The following PLCH1 variants were observed in gnomAD, a reference collection of about 807,000 sequenced individuals.
PLCH1 encodes the protein 1-phosphatidylinositol 4,5-bisphosphate phosphodiesterase eta-1.
PLCH1 carries 60 observed loss-of-function variants against 126.7 expected under a neutral mutation model. The ratio of observed to expected loss-of-function variants is 0.47; its 90% CI spans 0.38 to 0.59. The LOEUF (loss-of-function observed/expected upper bound fraction) is 0.59, where lower values mean the gene tolerates loss of function less well. Ranked by LOEUF, PLCH1 falls within the 20% of genes least tolerant of loss-of-function variation. The probability of loss-of-function intolerance (pLI) is 0.00; values close to 1 mark genes in which losing one functional copy is unlikely to be tolerated. For missense variants in PLCH1, 1,723 were observed against 2,040.0 expected (o/e 0.84, Z 2.99); for synonymous variants, 719 against 734.9 (o/e 0.98, Z 0.35).
intron 21 of PLCH1, among the ~76,000 whole-genome samples, chr3:155,469,270 C>T (rs543539737): frequency 6.6e-6 from 1 of 152,300 alleles, no homozygotes; most frequent in East Asian, 1.9e-4. Context: ...TTGGGAAGCG[C>T]AAGGGGTCAG....
intron 10 of PLCH1, among the ~76,000 whole-genome samples, chr3:155,548,384 G>A (rs1008382860): frequency 6.6e-6 from 1 of 152,184 alleles, no homozygotes; most frequent in Non-Finnish European, 1.5e-5. Flanking sequence ...AGTTCACATT[G>A]TTGCCACCCT....
rs1747682375 is a variant in PLCH1 at position 155,718,355 on chromosome 3, TA to T, written c.-40-14092del. ...CTAAACTCTTTAAACCTCTGCCTGT[TA>T]CCCAGTTCCTAAGCTGCTTCCACAT... On this transcript the variant is annotated intron_variant, in intron 1 of 22. Transcript: ENST00000460012. Among the ~76,000 whole-genome samples, 4 of 152,340 alleles carry T rather than the reference TA, an allele frequency of 2.6e-5. 1 individual carries two copies. In the South Asian group the frequency reaches 8.3e-4, roughly 32 times the overall value.
chr3:155,557,225 A>G (rs1013982492), intron 8 of PLCH1, among the ~76,000 whole-genome samples: 13 of 152,234 alleles, frequency 8.5e-5, no homozygotes, highest in Admixed American at 3.3e-4. Flanking sequence ...TCTGGAAATA[A>G]TTATGGAAAA....
intron 3 of PLCH1, 101 bp from the exon 4 acceptor site, chr3:155,594,285 A>C (rs757268674): frequency 9.5e-5 from 110 of 1,156,954 alleles, no homozygotes; most frequent in Non-Finnish European, 1.3e-4. Context: ...AATATTAAAA[A>C]TAAGTATGAG....
intron 21 of PLCH1, among the ~76,000 whole-genome samples, chr3:155,470,019 C>A (rs1450695108): frequency 1.3e-5 from 2 of 152,144 alleles, no homozygotes; most frequent in East Asian, 3.9e-4. Context: ...CGCAGAACGC[C>A]TCTCCTCCTC....
chr3:155,482,275 T>C lies in PLCH1; in HGVS notation c.3751A>G (p.Ile1251Val), dbSNP rs1390320479. Residue 1251 changes from isoleucine (I) to valine (V), a missense_variant, in exon 23 of 23, where the codon ATA (isoleucine) becomes GTA (valine). Physicochemically the swap from Ile to Val is conservative, Grantham distance 29. Around this residue, in one of 2 missense-constraint regions of PLCH1, gnomAD observed 947 missense variants for 977.1 expected, o/e 0.97. Coordinates refer to ENST00000460012, the MANE Select transcript of PLCH1 (RefSeq NM_014996.4). ...SSFLCSSPELIALSSSETTKH... is the reference protein window; with the variant it reads ...SSFLCSSPELVALSSSETTKH... ...GTGGTCTCAGAACTCGAGAGTGCTA[T>C]CAGCTCCGGAGATGAGCACAGGAAG... 2.5e-6 allele frequency: 4 copies of C among 1,614,072 alleles called. No homozygotes were observed. The East Asian group carries it at 6.7e-5, about 27-fold the overall frequency.
chr3:155,493,586 A>G (rs547380240), intron 17 of PLCH1, among the ~76,000 whole-genome samples: 82 of 152,200 alleles, frequency 5.4e-4, no homozygotes, highest in African/African-American at 1.8e-3. Context: ...GCGTTTTACC[A>G]TGTTGGCCAG....
chr3:155,730,242 A>T (rs1748665287), intron 1 of PLCH1, among the ~76,000 whole-genome samples: 1 of 152,088 alleles, frequency 6.6e-6, no homozygotes, highest in African/African-American at 2.4e-5. Context: ...TGATTTGTTC[A>T]TAAGAATTCT....
intron 14 of PLCH1, among the ~76,000 whole-genome samples, chr3:155,500,386 C>T (rs1717716912): frequency 1.3e-5 from 2 of 152,150 alleles, no homozygotes. Flanking sequence ...CTAACATGGG[C>T]TTAGCATCCA....
At position 155,514,866 on chromosome 3, in the gene PLCH1, G is replaced by T. The variant is rs191177411; in HGVS notation, c.1489C>A (p.His497Asn). Residue 497 changes from histidine to asparagine, a missense_variant, in exon 12 of 23, where the codon CAT (histidine) becomes AAT (asparagine). Coordinates refer to ENST00000460012, the MANE Select transcript of PLCH1 (RefSeq NM_014996.4). The stretch of plus-strand genomic sequence containing the variant: ...TTCCTTATGAAAGATTCCACCTGAT[G>T]CTCAGTGGTCCCATTACTCTGCAAA... Reference protein sequence around the residue: ...KLHYSNGTTEHQVESFIRKKL... With the variant: ...KLHYSNGTTENQVESFIRKKL... 6.2e-7 allele frequency: 1 copy of T among 1,605,938 alleles called. No homozygotes were observed. Among genetic ancestry groups the T allele is most frequent in the African/African-American group, 1.3e-5 (1 of 74,836 alleles).
chr3:155,681,770 A>G (rs532478991), intron 2 of PLCH1, among the ~76,000 whole-genome samples: 2 of 152,322 alleles, frequency 1.3e-5, no homozygotes, highest in Non-Finnish European at 2.9e-5. Flanking sequence ...ATGCAACCCC[A>G]AAGGGCTAGA....
chr3:155,621,593 G>C (rs1179646765), intron 2 of PLCH1, among the ~76,000 whole-genome samples: 1 of 152,140 alleles, frequency 6.6e-6, no homozygotes, highest in Non-Finnish European at 1.5e-5. Context: ...GAAAAACACA[G>C]CACAAGAACT....
At chr3:155,505,891 G>GT (rs545714401) in intron 12 of PLCH1, among the ~76,000 whole-genome samples, 6,934 of 147,976 alleles carry the variant, frequency 0.047, 284 homozygotes, top group African/African-American at 0.11. Context: ...CTCTTGGTCC[G>GT]CTTTTTTTTT....
chr3:155,633,344 T>C (rs1311112556), intron 2 of PLCH1, among the ~76,000 whole-genome samples: 2 of 114,172 alleles, frequency 1.8e-5, no homozygotes, highest in African/African-American at 7.3e-5. Flanking sequence ...TTTAGTTTTC[T>C]TCAAAAAAAA....
At chr3:155,726,191 T>C (rs1222848166) in intron 1 of PLCH1, among the ~76,000 whole-genome samples, 2 of 152,256 alleles carry the variant, frequency 1.3e-5, no homozygotes, top group South Asian at 2.1e-4. Context: ...TGGTCTTCAT[T>C]ATTTCTTGTT....
At chr3:155,506,591 G>A (rs979157414) in intron 12 of PLCH1, among the ~76,000 whole-genome samples, 6 of 132,478 alleles carry the variant, frequency 4.5e-5, no homozygotes, top group Non-Finnish European at 9.4e-5. Context: ...CTATGAGTGA[G>A]AATATGCGGT....
rs1712631697 is a variant in PLCH1, at chr3:155,459,482, C to T, written c.2938+25874G>A. ...CTAGCAGTTTGCTGAGATGACTCCT[C>T]GAAGCCTGGATTCACAATGTAAATT... On this transcript the variant is annotated intron_variant, in intron 21 of 21. Coordinates refer to the PLCH1 transcript ENST00000494598. Among the ~76,000 whole-genome samples, 3 of 152,100 alleles carry T rather than the reference C, an allele frequency of 2.0e-5. 1 individual carries two copies. Among genetic ancestry groups the T allele is most frequent in the South Asian group, 4.1e-4 (2 of 4,822 alleles).
intron 10 of PLCH1, among the ~76,000 whole-genome samples, chr3:155,546,377 G>T (rs988437855): frequency 1.3e-5 from 2 of 152,042 alleles, no homozygotes; most frequent in African/African-American, 4.8e-5. Context: ...CACTGCTCAA[G>T]GAAATTAAAG....
chr3:155,487,982 G>T, intron 21 of PLCH1, 46 bp downstream of exon 21: 1 of 1,124,194 alleles, frequency 8.9e-7, no homozygotes. Context: ...GCATTGTTAA[G>T]GACCATATTA....
Sources: allele counts gnomAD v4.1 joint callset (sites outside exome capture counted in the v4.1 genomes callset), GRCh38; gene constraint gnomAD v4.1.1; regional missense constraint gnomAD v4.1.1; transcripts MANE v1.5; gene names NCBI Gene and HGNC (gene_info 2026-07-23, HGNC 2026-07-21).